PCDHA3: variants seen among roughly 807,000 people sequenced by gnomAD.
The protein encoded by PCDHA3 is protocadherin alpha 3.
A neutral mutation model predicts 62.2 loss-of-function variants in PCDHA3; 41 were observed. The ratio of observed to expected loss-of-function variants is 0.66; its 90% CI spans 0.51 to 0.86. The LOEUF is 0.86. Among genes scored for constraint, PCDHA3 ranks in the 40% least tolerant of loss-of-function variants. PCDHA3 has a pLI of 0.00. For missense variants in PCDHA3, 1,304 were observed against 1,241.2 expected (o/e 1.05, Z -0.76); for synonymous variants, 640 against 555.4 (o/e 1.15, Z -2.14).
rs1265015709 is a variant in PCDHA3 at position 140,843,042 on chromosome 5, G to A, written c.2394+39451G>A. The A allele has an allele frequency of 6.3e-7, 1 of 1,595,054 alleles. No individual in the cohort carries two copies. The highest frequency in any genetic ancestry group is 8.6e-7 in the Non-Finnish European group (1 of 1,165,358). On this transcript the variant is annotated intron_variant, in intron 1 of 3. Transcript: ENST00000522353. ...CTGGAGCCTCGGGTGGGTGGCACTG[G>A]TGGCGCAGCGAGCAAGCTGGTGCCG... is the stretch of plus-strand genomic sequence containing the variant.
intron 1 of PCDHA3, chr5:140,824,267 G>A (rs1768069151): frequency 2.4e-6 from 3 of 1,253,012 alleles, no homozygotes; most frequent in Admixed American, 3.7e-5. Context: ...ACTAATTCAT[G>A]TATTATATGC....
intron 1 of PCDHA3, chr5:140,882,591 T>C (rs781883775): frequency 1.2e-6 from 2 of 1,614,116 alleles, no homozygotes; most frequent in South Asian, 2.2e-5. Flanking sequence ...CACCTGGAGG[T>C]GATCGTGGAC....
At chr5:140,870,239 G>A (rs781847723) in intron 1 of PCDHA3, 2 of 1,614,134 alleles carry the variant, frequency 1.2e-6, no homozygotes, top group South Asian at 1.1e-5. Flanking sequence ...CGTGACTCAG[G>A]TGTCAACGGA....
At chr5:140,871,086 G>T (rs556097993) in intron 1 of PCDHA3, 15 of 1,613,256 alleles carry the variant, frequency 9.3e-6, no homozygotes, top group Non-Finnish European at 1.1e-5. Context: ...TGACGGCCAC[G>T]GCCACCGTGC....
At position 140,802,166 on chromosome 5, in the gene PCDHA3, G is replaced by A; in HGVS notation, c.969G>A (p.Thr323=). 1.2e-6 allele frequency: 2 copies of A among 1,614,168 alleles called. No individual in the cohort carries two copies. The highest frequency in any genetic ancestry group is 1.1e-5 in the South Asian group (1 of 91,084). Residue 323 remains threonine (T), a synonymous_variant, in exon 1 of 4, where the codon ACG becomes ACA. Coordinates refer to ENST00000522353, the MANE Select transcript of PCDHA3 (RefSeq NM_018906.3). ...CATATGAAATCCAGGTAGAAGCCAC[G>A]GATAAAGGAAATCCCCCAATGTCAG... ...SKSYEIQVEA[T]DKGNPPMSDH... is the part of the protein sequence containing the mutation.
chr5:140,870,704 T>C (rs782770549), intron 1 of PCDHA3: 1 of 1,612,984 alleles, frequency 6.2e-7, no homozygotes, highest in Non-Finnish European at 8.5e-7. Flanking sequence ...CAGTTCCAGG[T>C]GAGCGCGCGC....
At chr5:140,944,406 C>A (rs1003379783) in intron 1 of PCDHA3, among the ~76,000 whole-genome samples, 1 of 152,084 alleles carries the variant, frequency 6.6e-6, no homozygotes, top group Non-Finnish European at 1.5e-5. Context: ...AGGCTGGTCT[C>A]GAACTCCTGA....
chr5:140,994,428 C>T lies in PCDHA3; in HGVS notation c.2542+11865C>T, dbSNP rs183026150. Among the ~76,000 whole-genome samples, 15 of 152,198 alleles carry T rather than the reference C, an allele frequency of 9.9e-5. No individual in the cohort carries two copies. The South Asian group carries it at 1.2e-3, about 13-fold the overall frequency. On this transcript the variant is annotated intron_variant, in intron 3 of 3. Transcript: ENST00000522353. ...TTTAATACTGGATATTGAGGCCGGGCGCAGTGGCTCACACCTGTGATCCCA... is the reference window on the plus strand; with the variant it reads ...TTTAATACTGGATATTGAGGCCGGGTGCAGTGGCTCACACCTGTGATCCCA...
At chr5:140,944,558 G>A (rs140707063) in intron 1 of PCDHA3, among the ~76,000 whole-genome samples, 10 of 152,230 alleles carry the variant, frequency 6.6e-5, no homozygotes, top group African/African-American at 2.2e-4. Flanking sequence ...TAGTTTTCCT[G>A]GCAACTTACT....
chr5:140,949,591 T>A (rs1279124605), intron 1 of PCDHA3, among the ~76,000 whole-genome samples: 2 of 151,928 alleles, frequency 1.3e-5, no homozygotes, highest in Non-Finnish European at 2.9e-5. Flanking sequence ...GTGATATTAA[T>A]GTGGCCATTC....
At position 140,809,644 on chromosome 5, in the gene PCDHA3, C is replaced by A. The variant is rs1764516799; in HGVS notation, c.2394+6053C>A. On this transcript the variant is annotated intron_variant, in intron 1 of 3. Coordinates refer to ENST00000522353, the MANE Select transcript of PCDHA3 (RefSeq NM_018906.3). ...TATCAACTTCTTCGTAAATTTATTT[C>A]TAAGAGTCAAATTTCCCTGGGTTAA... 88 of 1,500,162 alleles carry A rather than the reference C, an allele frequency of 5.9e-5. No individual in the cohort carries two copies. The South Asian group carries it at 1.1e-3, about 19-fold the overall frequency. The allele number at this position is 1,500,162 out of a possible 1,614,324, so 92.9% of individuals were successfully genotyped here.
At chr5:140,919,940 A>C (rs1162813087) in intron 1 of PCDHA3, among the ~76,000 whole-genome samples, 3 of 152,064 alleles carry the variant, frequency 2.0e-5, no homozygotes, top group African/African-American at 7.2e-5. Context: ...GGCTAATTCC[A>C]GTGAAAAGTT....
In PCDHA3 at chr5:141,000,418, TATA is replaced by T. The variant is rs1442097844; in HGVS notation, c.2543-9208_2543-9206del. 6.0e-3 allele frequency among the ~76,000 whole-genome samples: 500 copies of T among 83,616 alleles called. 3 individuals are homozygous for T. The highest frequency in any genetic ancestry group is 7.2e-3 in the African/African-American group (142 of 19,618). 54.9% of individuals were successfully genotyped at this position (83,616 alleles called of 152,430 possible). A position where few individuals can be genotyped will look rare whatever the true frequency, so the allele number is the denominator to read the frequency against. ...CTCTATATATATATATATATATATA[TATA>T]TTTTTTTTTTTTTTTTTTTTTTTGA... On this transcript the variant is annotated intron_variant, in intron 3 of 3. Coordinates refer to ENST00000522353, the MANE Select transcript of PCDHA3 (RefSeq NM_018906.3).
intron 1 of PCDHA3, chr5:140,807,370 G>T: frequency 6.2e-7 from 1 of 1,608,352 alleles, no homozygotes; most frequent in African/African-American, 1.4e-5. Flanking sequence ...AGCTGGTGCC[G>T]CGCCTGTTCC....
intron 1 of PCDHA3, among the ~76,000 whole-genome samples, chr5:140,838,813 T>C (rs1372139803): frequency 6.6e-6 from 1 of 151,884 alleles, no homozygotes; most frequent in Non-Finnish European, 1.5e-5. Context: ...TTTCAGCTAC[T>C]CAAGAAACTG....
At chr5:140,848,473 TAGA>T in intron 1 of PCDHA3, 2 of 1,556,440 alleles carry the variant, frequency 1.3e-6, no homozygotes, top group Non-Finnish European at 8.7e-7. Context: ...TTTCACTAAT[TAGA>T]AGAAGACTGA....
intron 1 of PCDHA3, chr5:140,968,160 A>G: frequency 7.4e-6 from 12 of 1,614,104 alleles, no homozygotes; most frequent in Non-Finnish European, 1.0e-5. Context: ...ATCAATGACA[A>G]TCCACCAAGC....
chr5:140,971,202 C>T (rs1486022070), intron 1 of PCDHA3, among the ~76,000 whole-genome samples: 1 of 152,156 alleles, frequency 6.6e-6, no homozygotes, highest in Non-Finnish European at 1.5e-5. Context: ...AGGAAAGACA[C>T]TGTTACCCTC....
intron 1 of PCDHA3, chr5:140,841,941 C>T (rs2150325943): frequency 1.3e-5 from 21 of 1,613,918 alleles, no homozygotes; most frequent in Non-Finnish European, 1.8e-5. Context: ...GACGCTCCTG[C>T]GCACCACTTA....
Sources: allele counts gnomAD v4.1 joint callset (sites outside exome capture counted in the v4.1 genomes callset), GRCh38; gene constraint gnomAD v4.1.1; transcripts MANE v1.5; gene names NCBI Gene and HGNC (gene_info 2026-07-23, HGNC 2026-07-21).